Variants in RGS20 observed in about 807,000 individuals in gnomAD.
RGS20 encodes the protein regulator of G protein signaling 20.
In RGS20, 30 loss-of-function variants were observed where a neutral mutation model predicts 33.6. The ratio of observed to expected loss-of-function variants is 0.89; its 90% CI spans 0.67 to 1.21. The LOEUF (loss-of-function observed/expected upper bound fraction) is 1.21, where lower values mean the gene tolerates loss of function less well. RGS20 is among the 50% of genes most tolerant of loss of function. RGS20 has a pLI of 0.00. For synonymous variants in RGS20, 208 were observed against 197.9 expected (o/e 1.05, Z -0.43); for missense variants, 472 against 502.4 (o/e 0.94, Z 0.58).
intron 2 of RGS20, among the ~76,000 whole-genome samples, chr8:53,925,226 G>A (rs1813759530): frequency 6.6e-6 from 1 of 152,162 alleles, no homozygotes; most frequent in South Asian, 2.1e-4. Flanking sequence ...TGATCAAAGT[G>A]AGATCATTGC....
intron 3 of RGS20, among the ~76,000 whole-genome samples, chr8:53,945,136 G>A (rs1001021463): frequency 1.3e-5 from 2 of 152,146 alleles, no homozygotes; most frequent in Admixed American, 6.6e-5. Flanking sequence ...ATATATGTTC[G>A]CACGTACTTG....
intron 2 of RGS20, among the ~76,000 whole-genome samples, chr8:53,933,509 A>G (rs936472075): frequency 6.6e-6 from 1 of 152,218 alleles, no homozygotes; most frequent in Non-Finnish European, 1.5e-5. Flanking sequence ...AAAGGATATC[A>G]GAGATTGAAG....
At chr8:53,886,187 A>G (rs993178662) in intron 2 of RGS20, among the ~76,000 whole-genome samples, 3 of 152,168 alleles carry the variant, frequency 2.0e-5, no homozygotes, top group African/African-American at 7.2e-5. Flanking sequence ...GCACCATCTG[A>G]GATGGTCCCT....
rs1038545385 is a variant in RGS20, at chr8:53,912,833, C to T, written c.511-26743C>T. Among the ~76,000 whole-genome samples, 3 of 152,104 alleles carry T rather than the reference C, an allele frequency of 2.0e-5. No homozygotes were observed. The South Asian group carries it at 6.2e-4, about 32-fold the overall frequency. ...TTTTATAGGAAAAGTAGGATAAAAA[C>T]TTGATTCTTTCCCCTTATTTATCAG... On this transcript the variant is annotated intron_variant, in intron 2 of 5. Coordinates refer to ENST00000297313, the MANE Select transcript of RGS20 (RefSeq NM_170587.4).
intron 2 of RGS20, among the ~76,000 whole-genome samples, chr8:53,917,486 T>C (rs538299681): frequency 6.6e-6 from 1 of 152,186 alleles, no homozygotes; most frequent in Non-Finnish European, 1.5e-5. Context: ...CCCATCATTA[T>C]CTCCATTTTC....
chr8:53,945,913 T>A (rs1814462499), intron 3 of RGS20, among the ~76,000 whole-genome samples: 1 of 152,062 alleles, frequency 6.6e-6, no homozygotes, highest in African/African-American at 2.4e-5. Flanking sequence ...GCATTCATAT[T>A]ACAACAATAA....
chr8:53,946,777 T>G (rs1814494441), intron 4 of RGS20, 29 bp downstream of exon 3: 4 of 1,564,204 alleles, frequency 2.6e-6, no homozygotes, highest in Non-Finnish European at 3.5e-6. Flanking sequence ...TTTACCTCAC[T>G]AAACTAACAG....
At chr8:53,929,390 A>T (rs563268348) in intron 2 of RGS20, among the ~76,000 whole-genome samples, 1 of 152,168 alleles carries the variant, frequency 6.6e-6, no homozygotes, top group Admixed American at 6.5e-5. Flanking sequence ...TTAAAAATGT[A>T]TAAGAACAGG....
chr8:53,949,986 C>G (rs1814662868), intron 4 of RGS20, among the ~76,000 whole-genome samples: 1 of 151,542 alleles, frequency 6.6e-6, no homozygotes. Flanking sequence ...ATTACAGGCG[C>G]CCACCACCAT....
chr8:53,944,025 TGAAA>T (rs1305871717), intron 3 of RGS20, among the ~76,000 whole-genome samples: 1 of 149,890 alleles, frequency 6.7e-6, no homozygotes, highest in Non-Finnish European at 1.5e-5. Context: ...ACACACACAC[TGAAA>T]ATTTATAAAA....
chr8:53,897,557 C>T (rs562267855), intron 2 of RGS20, among the ~76,000 whole-genome samples: 1 of 152,188 alleles, frequency 6.6e-6, no homozygotes, highest in East Asian at 1.9e-4. Context: ...TTTGTCATAC[C>T]CAACAAAATT....
chr8:53,884,191 C>CTT (rs4014055), intron 2 of RGS20, among the ~76,000 whole-genome samples: 2,115 of 103,396 alleles, frequency 0.02, 233 homozygotes, highest in African/African-American at 0.078. Context: ...GAAAAACAGT[C>CTT]TTTTTTTTTT....
intron 2 of RGS20, among the ~76,000 whole-genome samples, chr8:53,883,840 G>T (rs746489478): frequency 1.3e-4 from 20 of 152,000 alleles, no homozygotes; most frequent in Non-Finnish European, 1.9e-4. Context: ...CAGTTACTCT[G>T]GGGGCTGAGG....
chr8:53,924,838 CTCAT>C (rs1813749063), intron 2 of RGS20, among the ~76,000 whole-genome samples: 1 of 152,242 alleles, frequency 6.6e-6, no homozygotes, highest in African/African-American at 2.4e-5. Context: ...GCAGTTCCAG[CTCAT>C]TCCAGACCAT....
intron 3 of RGS20, among the ~76,000 whole-genome samples, chr8:53,942,089 C>T (rs1274654152): frequency 6.6e-6 from 1 of 152,106 alleles, no homozygotes; most frequent in African/African-American, 2.4e-5. Context: ...GCCCTACCAA[C>T]ATGGAGAAAA....
chr8:53,871,866 T>A lies in RGS20; in HGVS notation c.166-7392T>A, dbSNP rs1812077718. Among the ~76,000 whole-genome samples, 3 of 152,134 alleles carry A rather than the reference T, an allele frequency of 2.0e-5. No individual in the cohort carries two copies. The South Asian group carries it at 6.2e-4, about 32-fold the overall frequency. ...TGTTTCCTGGTCTCTAGGGATCCTA[T>A]CCAATTCCAGTAGCTTTAAATACCT... On this transcript the variant is annotated intron_variant, in intron 1 of 5. Transcript: ENST00000297313.
rs1016953929 is a variant in RGS20 at position 53,958,985 on chromosome 8, A to G, written c.*527A>G. On this transcript the variant is annotated 3_prime_UTR_variant, in exon 6 of 6. Transcript: ENST00000297313. ...ACATGTAAAAATAGCATTCTACTTG[A>G]TCTTACAGTATGTATGTATGTATGT... 2 of 152,214 alleles carry G rather than the reference A, an allele frequency of 1.3e-5. No homozygotes were observed. Among genetic ancestry groups the G allele is most frequent in the African/African-American group, 4.8e-5 (2 of 41,296 alleles). 9.4% of individuals were successfully genotyped at this position (152,214 alleles called of 1,614,324 possible). A position where few individuals can be genotyped will look rare whatever the true frequency, so the allele number is the denominator to read the frequency against.
Position 53,943,996 on chromosome 8 carries a change from TACAC to T in RGS20, c.660-2644_660-2641del, listed in dbSNP as rs113461310. On this transcript the variant is annotated intron_variant, in intron 3 of 5. Coordinates refer to ENST00000297313, the MANE Select transcript of RGS20 (RefSeq NM_170587.4). ...TTTTGCCTTTAAAGAAAAATAGAGC[TACAC>T]ACACACACACACACACACACACACT... Among the ~76,000 whole-genome samples, 1,144 of 146,346 alleles carry T rather than the reference TACAC, an allele frequency of 7.8e-3. 5 individuals carry two copies. Among genetic ancestry groups the T allele is most frequent in the African/African-American group, 0.023 (921 of 40,284 alleles).
chr8:53,920,088 T>C (rs1813599842), intron 2 of RGS20, among the ~76,000 whole-genome samples: 1 of 152,172 alleles, frequency 6.6e-6, no homozygotes, highest in Non-Finnish European at 1.5e-5. Context: ...TTGCCTAGGC[T>C]GATCTTAAAC....
Sources: gnomAD v4.1 joint callset for allele counts (sites outside exome capture counted in the v4.1 genomes callset) on GRCh38, gnomAD v4.1.1 for gene constraint, MANE v1.5 for transcripts, NCBI Gene and HGNC (gene_info 2026-07-23, HGNC 2026-07-21) for gene names.